The following DPY19L4 variants were observed in gnomAD, a reference collection of about 807,000 sequenced individuals.
DPY19L4 encodes the protein dpy-19 like 4.
In DPY19L4, 97 loss-of-function variants were observed where a neutral mutation model predicts 102.8. The observed-to-expected ratio is 0.94, with a 90% CI of 0.80 to 1.12. DPY19L4 has a LOEUF of 1.12. Among genes scored for constraint, DPY19L4 ranks in the 50% most tolerant of loss-of-function variants. The pLI, the probability that DPY19L4 is intolerant of heterozygous loss-of-function variation, is 0.00. For synonymous variants in DPY19L4, 252 were observed against 283.1 expected, an observed-to-expected ratio of 0.89 and a Z score of 1.10; for missense variants, 815 against 850.4, an observed-to-expected ratio of 0.96 and a Z score of 0.52.
intron 8 of DPY19L4, among the ~76,000 whole-genome samples, 174 bp from the exon 9 acceptor site, chr8:94,765,009 T>G (rs1812605835): frequency 6.6e-6 from 1 of 151,760 alleles, no homozygotes; most frequent in African/African-American, 2.4e-5. Flanking sequence ...ATTTCAGATG[T>G]GAGCCACCAT....
rs561815667 is a variant in DPY19L4 at position 94,755,398 on chromosome 8, G to A, written c.612-638G>A. Among the ~76,000 whole-genome samples the A allele has an allele frequency of 2.0e-5, 3 of 152,208 alleles. 1 individual carries two copies. Among genetic ancestry groups the A allele is most frequent in the South Asian group, 4.1e-4 (2 of 4,820 alleles). ...TAGCCATCTGGTTAAGGGAAGGGAG[G>A]GTGGGGCTGAAATCTGGGGTACTCT... On this transcript the variant is annotated intron_variant, in intron 6 of 18. Coordinates refer to ENST00000414645, the MANE Select transcript of DPY19L4 (RefSeq NM_181787.3).
At chr8:94,741,616 C>A (rs1811447351) in intron 6 of DPY19L4, among the ~76,000 whole-genome samples, 1 of 152,118 alleles carries the variant, frequency 6.6e-6, no homozygotes, top group Admixed American at 6.5e-5. Context: ...TCTTTCTGTA[C>A]TTATGGATTT....
chr8:94,771,024 C>T (rs1229405444), intron 13 of DPY19L4, among the ~76,000 whole-genome samples: 5 of 151,936 alleles, frequency 3.3e-5, no homozygotes. Context: ...AAGCAATTCT[C>T]CTGTCTCAGC....
chr8:94,746,922 C>T (rs1811699635), intron 6 of DPY19L4, among the ~76,000 whole-genome samples: 1 of 152,104 alleles, frequency 6.6e-6, no homozygotes, highest in South Asian at 2.1e-4. Flanking sequence ...ACAAGGTTAG[C>T]AGGTCCTTGC....
At chr8:94,723,397 C>T (rs1361539589) in intron 1 of DPY19L4, among the ~76,000 whole-genome samples, 3 of 151,608 alleles carry the variant, frequency 2.0e-5, no homozygotes, top group Non-Finnish European at 2.9e-5. Flanking sequence ...TGCTTGAACC[C>T]GGGAGGCGGA....
At chr8:94,722,232 C>T (rs1011197298) in intron 1 of DPY19L4, among the ~76,000 whole-genome samples, 3 of 151,972 alleles carry the variant, frequency 2.0e-5, no homozygotes, top group Admixed American at 2.0e-4. Flanking sequence ...ATGGTGAAAC[C>T]CTGTCTCTAC....
intron 3 of DPY19L4, 150 bp downstream of exon 3, chr8:94,734,904 C>A: frequency 2.9e-6 from 3 of 1,039,502 alleles, no homozygotes; most frequent in South Asian, 3.3e-5. Context: ...ACAGTATCAA[C>A]CTTAAAATAC....
At chr8:94,766,789 G>C in intron 11 of DPY19L4, 104 bp downstream of exon 11, 1 of 1,078,180 alleles carries the variant, frequency 9.3e-7, no homozygotes, top group Non-Finnish European at 1.3e-6. Flanking sequence ...TGTAATCCCA[G>C]CACTTTAGGA....
chr8:94,733,834 G>A (rs113071504), intron 2 of DPY19L4, among the ~76,000 whole-genome samples: 20 of 152,012 alleles, frequency 1.3e-4, no homozygotes, highest in Admixed American at 9.8e-4. Context: ...GAGCTACCGC[G>A]CCCGGCCTAT....
rs1349202184 is a variant in DPY19L4 at position 94,791,070 on chromosome 8, T to C, written c.*1160T>C. On this transcript the variant is annotated 3_prime_UTR_variant, in exon 19 of 19. Transcript: ENST00000414645. ...CTTATAGAGAGATTCAGGATAGATGTAGCCTATAGATGTGTCATTTTAATA... is the reference window on the plus strand; with the variant it reads ...CTTATAGAGAGATTCAGGATAGATGCAGCCTATAGATGTGTCATTTTAATA... 6.6e-6 allele frequency: 1 copy of C among 152,174 alleles called. No individual in the cohort carries two copies. The highest frequency in any genetic ancestry group is 1.5e-5 in the Non-Finnish European group (1 of 67,972). The allele number at this position is 152,174 out of a possible 1,614,324, so 9.4% of individuals were successfully genotyped here.
chr8:94,729,909 G>C (rs749658197), intron 2 of DPY19L4, among the ~76,000 whole-genome samples: 3 of 151,618 alleles, frequency 2.0e-5, no homozygotes, highest in Non-Finnish European at 4.4e-5. Flanking sequence ...TAGAAATATC[G>C]ATTACAAAAT....
At chr8:94,748,037 G>A (rs73697013) in intron 6 of DPY19L4, among the ~76,000 whole-genome samples, 4,264 of 152,162 alleles carry the variant, frequency 0.028, 187 homozygotes, top group African/African-American at 0.095. Context: ...GAAAAAAGTG[G>A]GTCTCATTTG....
chr8:94,764,005 ATCT>A (rs1812518076), intron 8 of DPY19L4, among the ~76,000 whole-genome samples: 1 of 152,010 alleles, frequency 6.6e-6, no homozygotes, highest in Non-Finnish European at 1.5e-5. Context: ...TTTCTGGGAG[ATCT>A]TCTAATAAAA....
In DPY19L4 at chr8:94,787,927, G is replaced by T. The variant is rs766949233; in HGVS notation, c.1882G>T (p.Asp628Tyr). 1.4e-6 allele frequency: 2 copies of T among 1,456,522 alleles called. No homozygotes were observed. Among genetic ancestry groups the T allele is most frequent in the Non-Finnish European group, 1.8e-6 (2 of 1,100,854 alleles). The allele number at this position is 1,456,522 out of a possible 1,614,324, so 90.2% of individuals were successfully genotyped here. A position where few individuals can be genotyped will look rare whatever the true frequency, so the allele number is the denominator to read the frequency against. Residue 628 changes from aspartate to tyrosine, a missense_variant, in exon 18 of 19, where the codon GAT becomes TAT. Physicochemically the swap from Asp to Tyr is radical, Grantham distance 160. Coordinates refer to ENST00000414645, the MANE Select transcript of DPY19L4 (RefSeq NM_181787.3). ...AATCTATTCAAAGCGATCTGCTGAG[G>T]ATATTTATAAAATACTGACATCTTA... ...YQIYSKRSAE[D>Y]IYKILTSYKA...
At chr8:94,759,254 G>T (rs1386995099) in intron 7 of DPY19L4, among the ~76,000 whole-genome samples, 3 of 152,016 alleles carry the variant, frequency 2.0e-5, no homozygotes, top group Admixed American at 6.6e-5. Context: ...TTCCATTTTT[G>T]TCCTATCAGA....
intron 3 of DPY19L4, among the ~76,000 whole-genome samples, chr8:94,735,889 G>A (rs564468385): frequency 6.6e-6 from 1 of 152,212 alleles, no homozygotes; most frequent in East Asian, 1.9e-4. Context: ...TTAGAAACAA[G>A]TATTTGCATT....
chr8:94,748,269 T>C (rs962150519), intron 6 of DPY19L4, among the ~76,000 whole-genome samples: 3 of 152,234 alleles, frequency 2.0e-5, no homozygotes. Context: ...ACCTACCTTG[T>C]GTTTCTGGTG....
At chr8:94,773,276 A>G (rs1813012113) in intron 13 of DPY19L4, among the ~76,000 whole-genome samples, 1 of 151,930 alleles carries the variant, frequency 6.6e-6, no homozygotes, top group Non-Finnish European at 1.5e-5. Flanking sequence ...ATTATTCTTA[A>G]GTTGTAATTC....
intron 2 of DPY19L4, among the ~76,000 whole-genome samples, chr8:94,728,385 T>G (rs1053597606): frequency 1.3e-5 from 2 of 152,258 alleles, no homozygotes; most frequent in African/African-American, 4.8e-5. Flanking sequence ...TCCAGTTCAT[T>G]GTTTTCCATG....
Sources: allele counts gnomAD v4.1 joint callset (sites outside exome capture counted in the v4.1 genomes callset), GRCh38; gene constraint gnomAD v4.1.1; transcripts MANE v1.5; gene names NCBI Gene and HGNC (gene_info 2026-07-23, HGNC 2026-07-21).